Variants in SGCZ observed in about 807,000 individuals in gnomAD.
SGCZ encodes the protein sarcoglycan zeta, also known as zeta-sarcoglycan.
A neutral mutation model predicts 41.3 loss-of-function variants in SGCZ; 40 were observed. The ratio of observed to expected loss-of-function variants is 0.97; its 90% CI spans 0.75 to 1.26. SGCZ has a LOEUF of 1.26. Ranked by LOEUF, SGCZ falls within the 50% of genes most tolerant of loss-of-function variation. SGCZ has a pLI of 0.00. For synonymous variants in SGCZ, 206 were observed against 137.5 expected (o/e 1.50, Z -3.49); for missense variants, 552 against 369.8 (o/e 1.49, Z -4.04).
At chr8:14,886,628 C>A (rs899606612) in intron 1 of SGCZ, among the ~76,000 whole-genome samples, 1 of 151,916 alleles carries the variant, frequency 6.6e-6, no homozygotes, top group African/African-American at 2.4e-5. Flanking sequence ...CAGGAGGTCA[C>A]ATTGATTGAG....
chr8:14,279,741 A>C (rs756552887), intron 3 of SGCZ, among the ~76,000 whole-genome samples: 1 of 152,054 alleles, frequency 6.6e-6, no homozygotes, highest in Non-Finnish European at 1.5e-5. Flanking sequence ...TCTAAAAAGT[A>C]GATTCACAGC....
Position 14,130,581 on chromosome 8 carries a change from A to G in SGCZ, c.548-22346T>C, listed in dbSNP as rs146003166. Among the ~76,000 whole-genome samples, 894 of 152,302 alleles carry G rather than the reference A, an allele frequency of 5.9e-3. 6 individuals carry two copies. The highest frequency in any genetic ancestry group is 0.02 in the African/African-American group (850 of 41,566). ...TACAGCAAGTGAGTGGAGGTAACAC[A>G]GGGGCTAAAAAGAAATTATTTAGGC... On this transcript the variant is annotated intron_variant, in intron 5 of 7. Coordinates refer to ENST00000382080, the MANE Select transcript of SGCZ (RefSeq NM_139167.4).
intron 2 of SGCZ, chr8:14,332,498 T>C (rs938599552): frequency 1.3e-5 from 2 of 151,986 alleles, no homozygotes; most frequent in African/African-American, 4.8e-5. Context: ...ACAAAATGGA[T>C]AGGATCATAG....
chr8:14,134,761 C>T (rs1803146194), intron 5 of SGCZ, among the ~76,000 whole-genome samples: 1 of 152,224 alleles, frequency 6.6e-6, no homozygotes, highest in South Asian at 2.1e-4. Flanking sequence ...TTTCACATTT[C>T]TGTTTTTTTA....
At chr8:14,308,783 T>C (rs1801427871) in intron 3 of SGCZ, among the ~76,000 whole-genome samples, 1 of 152,080 alleles carries the variant, frequency 6.6e-6, no homozygotes, top group African/African-American at 2.4e-5. Context: ...ACACTATTTC[T>C]CAGAAATATC....
chr8:15,143,889 C>T (rs1433162737), intron 1 of SGCZ, among the ~76,000 whole-genome samples: 1 of 5,506 alleles, frequency 1.8e-4, no homozygotes, highest in African/African-American at 1.9e-4. Context: ...CGCCATTCTC[C>T]TGCCTCAGCC....
At chr8:14,311,048 T>G (rs951249132) in intron 3 of SGCZ, among the ~76,000 whole-genome samples, 17 of 152,160 alleles carry the variant, frequency 1.1e-4, no homozygotes, top group African/African-American at 4.1e-4. Flanking sequence ...AGTCACAGCT[T>G]CCTGGACAAA....
intron 2 of SGCZ, among the ~76,000 whole-genome samples, chr8:14,425,185 G>A (rs577436639): frequency 8.3e-4 from 127 of 152,164 alleles, no homozygotes; most frequent in African/African-American, 2.9e-3. Flanking sequence ...TGAATACCAC[G>A]GGATGCCAAG....
chr8:14,491,175 T>C (rs571608915), intron 2 of SGCZ, among the ~76,000 whole-genome samples: 3 of 152,310 alleles, frequency 2.0e-5, no homozygotes, highest in South Asian at 4.1e-4. Flanking sequence ...AGCAGGTATG[T>C]AGGAATGTTT....
At chr8:14,365,057 AG>A (rs1803649009) in intron 2 of SGCZ, among the ~76,000 whole-genome samples, 1 of 152,044 alleles carries the variant, frequency 6.6e-6, no homozygotes, top group Admixed American at 6.5e-5. Flanking sequence ...TGACATTTTA[AG>A]TAATAAGCAA....
intron 2 of SGCZ, among the ~76,000 whole-genome samples, chr8:14,515,446 C>T (rs926636596): frequency 6.6e-6 from 1 of 152,024 alleles, no homozygotes; most frequent in Non-Finnish European, 1.5e-5. Context: ...CAATATGTAT[C>T]TTGGTTTCTA....
intron 1 of SGCZ, among the ~76,000 whole-genome samples, chr8:14,587,017 T>C (rs1805080527): frequency 6.8e-6 from 1 of 147,572 alleles, no homozygotes; most frequent in South Asian, 2.1e-4. Flanking sequence ...TCCTTATGTG[T>C]TTCTTACATT....
At chr8:14,823,874 G>C (rs7824430) in intron 1 of SGCZ, among the ~76,000 whole-genome samples, 1 of 151,966 alleles carries the variant, frequency 6.6e-6, no homozygotes, top group Non-Finnish European at 1.5e-5. Context: ...GGAATAGATA[G>C]ACAATGGTAT....
chr8:14,725,068 A>C (rs1187789743), intron 1 of SGCZ, among the ~76,000 whole-genome samples: 1 of 152,110 alleles, frequency 6.6e-6, no homozygotes, highest in African/African-American at 2.4e-5. Flanking sequence ...CAACTTTTTT[A>C]GCTCCCACAT....
chr8:14,353,580 T>C (rs1363092985), intron 2 of SGCZ, among the ~76,000 whole-genome samples: 7 of 152,072 alleles, frequency 4.6e-5, no homozygotes, highest in Admixed American at 2.6e-4. Flanking sequence ...TTCACAACGG[T>C]GAGACTTACC....
intron 1 of SGCZ, among the ~76,000 whole-genome samples, chr8:14,761,959 A>G (rs1799894668): frequency 6.6e-6 from 1 of 152,132 alleles, no homozygotes. Context: ...CAATTTCTCT[A>G]ACATATGAGT....
chr8:14,808,079 T>A (rs1801607012), intron 1 of SGCZ, among the ~76,000 whole-genome samples: 1 of 152,166 alleles, frequency 6.6e-6, no homozygotes, highest in South Asian at 2.1e-4. Context: ...CAAAAATTAA[T>A]TCAAGATGGA....
At chr8:15,032,528 C>G (rs1302867089) in intron 1 of SGCZ, among the ~76,000 whole-genome samples, 1 of 152,086 alleles carries the variant, frequency 6.6e-6, no homozygotes, top group Admixed American at 6.5e-5. Context: ...GGACTGAGCC[C>G]CCAGGTCCAC....
chr8:14,376,228 T>A (rs1415961988), intron 2 of SGCZ, among the ~76,000 whole-genome samples: 1 of 152,086 alleles, frequency 6.6e-6, no homozygotes, highest in Non-Finnish European at 1.5e-5. Context: ...GGAGAATTCC[T>A]TGAACCTGGC....
Sources: gnomAD v4.1 joint callset for allele counts (sites outside exome capture counted in the v4.1 genomes callset) on GRCh38, gnomAD v4.1.1 for gene constraint, MANE v1.5 for transcripts, NCBI Gene and HGNC (gene_info 2026-07-23, HGNC 2026-07-21) for gene names.